The following SUGCT variants were observed in gnomAD, a reference collection of about 807,000 sequenced individuals.
SUGCT encodes succinyl-CoA:glutarate CoA-transferase.
A neutral mutation model predicts 55.0 loss-of-function variants in SUGCT; 41 were observed. The observed-to-expected ratio is 0.74, with a 90% CI of 0.58 to 0.97. The LOEUF is 0.97. SUGCT is among the 50% of genes least tolerant of loss of function. SUGCT has a pLI of 0.00. For synonymous variants in SUGCT, 187 were observed against 200.4 expected, an observed-to-expected ratio of 0.93 and a Z score of 0.56; for missense variants, 568 against 547.8, an observed-to-expected ratio of 1.04 and a Z score of -0.37.
chr7:40,789,768 T>G (rs1274612160), intron 13 of SUGCT, among the ~76,000 whole-genome samples: 1 of 152,202 alleles, frequency 6.6e-6, no homozygotes, highest in East Asian at 1.9e-4. Flanking sequence ...ATGTAGACTT[T>G]TATTGTGTAC....
At chr7:40,594,393 A>T (rs946173832) in intron 12 of SUGCT, among the ~76,000 whole-genome samples, 3 of 152,016 alleles carry the variant, frequency 2.0e-5, no homozygotes, top group African/African-American at 7.2e-5. Context: ...TACCCAAGTC[A>T]TCTCTACCAT....
intron 9 of SUGCT, among the ~76,000 whole-genome samples, chr7:40,366,826 A>G (rs1292303691): frequency 2.0e-5 from 3 of 152,100 alleles, no homozygotes; most frequent in Non-Finnish European, 4.4e-5. Context: ...GGGACTGTAA[A>G]CTAGTTCAAC....
At chr7:40,265,850 A>G in intron 7 of SUGCT, among the ~76,000 whole-genome samples, 1 of 152,098 alleles carries the variant, frequency 6.6e-6, no homozygotes, top group East Asian at 1.9e-4. Flanking sequence ...ACTTGGGAGA[A>G]TGAGGCAGGA....
Position 40,137,672 on chromosome 7 carries a change from C to A in SUGCT, c.100+2552C>A, listed in dbSNP as rs116254524. Among the ~76,000 whole-genome samples the A allele has an allele frequency of 6.9e-3, 1,046 of 152,098 alleles. 19 individuals are homozygous for A. Among genetic ancestry groups the A allele is most frequent in the African/African-American group, 0.024 (995 of 41,480 alleles). On this transcript the variant is annotated intron_variant, in intron 1 of 13. Coordinates refer to ENST00000335693, the MANE Select transcript of SUGCT (RefSeq NM_001193313.2). ...TCTGTCGTATAGCAGTATACTCTCT[C>A]TATATATTTTTTATTTATTTAAGTA...
At chr7:40,704,011 A>G (rs747583850) in intron 12 of SUGCT, among the ~76,000 whole-genome samples, 1 of 152,222 alleles carries the variant, frequency 6.6e-6, no homozygotes, top group Admixed American at 6.5e-5. Flanking sequence ...TCCTTTCTGG[A>G]ACACTGACGA....
the SUGCT span, among the ~76,000 whole-genome samples, chr7:40,941,911 T>A: frequency 3.3e-5 from 5 of 152,130 alleles, no homozygotes; most frequent in African/African-American, 1.2e-4. Flanking sequence ...GTTTCCATTT[T>A]CATGTAACAT....
At chr7:40,937,223 C>T in the SUGCT span, among the ~76,000 whole-genome samples, 1 of 152,174 alleles carries the variant, frequency 6.6e-6, no homozygotes, top group Non-Finnish European at 1.5e-5. Context: ...GGCTGGAGTG[C>T]AGTGGCTCAA....
chr7:40,627,673 T>C (rs1272200043), intron 12 of SUGCT, among the ~76,000 whole-genome samples: 1 of 152,246 alleles, frequency 6.6e-6, no homozygotes, highest in Non-Finnish European at 1.5e-5. Context: ...GTTTCCCATC[T>C]GCCTTGCAGA....
intron 12 of SUGCT, among the ~76,000 whole-genome samples, chr7:40,719,067 A>G (rs947642276): frequency 2.0e-5 from 3 of 152,220 alleles, no homozygotes; most frequent in Non-Finnish European, 2.9e-5. Context: ...TGTCCTTAAG[A>G]TAAAGCCCGA....
chr7:40,670,169 C>CAAAAAAAAAAAAA (rs34786531), intron 12 of SUGCT, among the ~76,000 whole-genome samples: 7 of 58,230 alleles, frequency 1.2e-4, no homozygotes, highest in East Asian at 5.6e-4. Flanking sequence ...GACTCCATCT[C>CAAAAAAAAAAAAA]AAAAAAAAAA....
chr7:40,647,738 C>T (rs60278325), intron 12 of SUGCT, among the ~76,000 whole-genome samples: 1 of 151,836 alleles, frequency 6.6e-6, no homozygotes, highest in Non-Finnish European at 1.5e-5. Flanking sequence ...GTAATCCCAG[C>T]TACTCGGTAG....
intron 13 of SUGCT, among the ~76,000 whole-genome samples, chr7:40,812,021 T>C (rs1791444573): frequency 6.6e-6 from 1 of 152,074 alleles, no homozygotes; most frequent in African/African-American, 2.4e-5. Flanking sequence ...GATCATATGG[T>C]TTTTGGTTTT....
chr7:41,009,890 C>T, the SUGCT span, among the ~76,000 whole-genome samples: 2 of 152,244 alleles, frequency 1.3e-5, no homozygotes, highest in Non-Finnish European at 2.9e-5. Flanking sequence ...TCAGTGATCA[C>T]TCTCTTCGAT....
At chr7:41,032,968 TGGCCA>T in the SUGCT span, among the ~76,000 whole-genome samples, 1 of 152,204 alleles carries the variant, frequency 6.6e-6, no homozygotes, top group African/African-American at 2.4e-5. Flanking sequence ...TTCACCATGT[TGGCCA>T]GGATGGTCTC....
chr7:40,207,834 G>T (rs1255926816), intron 6 of SUGCT, among the ~76,000 whole-genome samples: 1 of 151,994 alleles, frequency 6.6e-6, no homozygotes, highest in Non-Finnish European at 1.5e-5. Context: ...ATATGATTCA[G>T]CAATTTTATT....
At chr7:40,137,835 C>CCATG (rs1787778297) in intron 1 of SUGCT, among the ~76,000 whole-genome samples, 2 of 152,152 alleles carry the variant, frequency 1.3e-5, no homozygotes, top group African/African-American at 4.8e-5. Context: ...GTGTGTGCCA[C>CCATG]CATGCCTGGC....
downstream of SUGCT, among the ~76,000 whole-genome samples, chr7:40,864,082 G>A (rs1462177545): frequency 2.6e-5 from 4 of 152,100 alleles, no homozygotes; most frequent in African/African-American, 4.8e-5. Flanking sequence ...AATGTTTCAT[G>A]AATTACTGCT....
At chr7:40,673,892 C>T (rs1310284180) in intron 12 of SUGCT, among the ~76,000 whole-genome samples, 6 of 152,106 alleles carry the variant, frequency 3.9e-5, no homozygotes, top group African/African-American at 1.4e-4. Context: ...AGGGTTTTTG[C>T]TACCTTAAAA....
intron 7 of SUGCT, among the ~76,000 whole-genome samples, chr7:40,243,978 G>A (rs549015649): frequency 6.6e-6 from 1 of 152,180 alleles, no homozygotes; most frequent in East Asian, 1.9e-4. Context: ...TTCGAGACCA[G>A]CCTAGCCAAC....
Sources: allele counts gnomAD v4.1 joint callset (sites outside exome capture counted in the v4.1 genomes callset), GRCh38; gene constraint gnomAD v4.1.1; transcripts MANE v1.5; gene names NCBI Gene and HGNC (gene_info 2026-07-23, HGNC 2026-07-21).